SMAP2: variants seen among roughly 807,000 people sequenced by gnomAD.
The protein encoded by SMAP2 is small ArfGAP2.
SMAP2 carries 25 observed loss-of-function variants against 56.4 expected under a neutral mutation model. The observed-to-expected ratio is 0.44, with a 90% CI of 0.32 to 0.62. The LOEUF is 0.62. Among genes scored for constraint, SMAP2 ranks in the 20% least tolerant of loss-of-function variants. The pLI, the probability that SMAP2 is intolerant of heterozygous loss-of-function variation, is 0.04. For missense variants in SMAP2, 388 were observed against 545.6 expected (o/e 0.71, Z 2.88); for synonymous variants, 157 against 181.7 (o/e 0.86, Z 1.09).
chr1:40,381,506 GAACA>G, intron 1 of SMAP2, among the ~76,000 whole-genome samples: 1 of 152,238 alleles, frequency 6.6e-6, no homozygotes, highest in African/African-American at 2.4e-5. Flanking sequence ...TAGGAAGAGG[GAACA>G]GAATGTGCAA....
chr1:40,374,320 A>C lies in SMAP2; in HGVS notation c.103+97A>C. ...CGGTTTCTGAAGCTTAGGCCGCCCAACTCGGCTTATAAGTGGTAACGCGTG... is the reference window on the plus strand; with the variant it reads ...CGGTTTCTGAAGCTTAGGCCGCCCACCTCGGCTTATAAGTGGTAACGCGTG... On this transcript the variant is annotated intron_variant, in intron 1 of 9. Transcript: ENST00000372718. The surrounding 1 kb of genome is among the most constrained non-coding windows in gnomAD (Gnocchi z 5.9). The C allele has an allele frequency of 1.9e-6, 2 of 1,033,806 alleles. No individual in the cohort carries two copies. The highest frequency in any genetic ancestry group is 1.4e-5 in the South Asian group (1 of 72,128). 64.0% of individuals were successfully genotyped at this position (1,033,806 alleles called of 1,614,324 possible).
intron 7 of SMAP2, 141 bp from the exon 8 acceptor site, chr1:40,416,035 T>C (rs1569923061): frequency 1.3e-6 from 1 of 771,370 alleles, no homozygotes; most frequent in East Asian, 2.5e-5. Context: ...GATAGTTGAA[T>C]GGTAAAAATG....
rs1014940259 is a variant in SMAP2, at chr1:40,406,998, G to A, written c.237+129G>A. On this transcript the variant is annotated intron_variant, in intron 2 of 9. Transcript: ENST00000372718. ...TTTAGTTGTTAAACACTTAACATCA[G>A]ATTCTTGTACCCTAACAGAAATTTT... The A allele has an allele frequency of 3.3e-5, 31 of 950,074 alleles. 1 individual carries two copies. Among genetic ancestry groups the A allele is most frequent in the Admixed American group, 2.2e-4 (8 of 35,604 alleles). 58.9% of individuals were successfully genotyped at this position (950,074 alleles called of 1,614,324 possible).
chr1:40,346,856 T>A lies in SMAP2; in HGVS notation c.-83+1946T>A, dbSNP rs542158603. 2.4e-4 allele frequency among the ~76,000 whole-genome samples: 36 copies of A among 152,158 alleles called. No homozygotes were observed. The South Asian group carries it at 7.5e-3, about 32-fold the overall frequency. ...TAAGTTTTTTAAAATCTTGTTTCAT[T>A]TATTTTTAATTTTTTTAGAGACAAA... On this transcript the variant is annotated intron_variant, in intron 1 of 6. Coordinates refer to the SMAP2 transcript ENST00000435168.
In SMAP2 at chr1:40,386,152, A is replaced by T. The variant is rs1644651757; in HGVS notation, c.103+11929A>T. Among the ~76,000 whole-genome samples, 1 of 152,208 alleles carries T rather than the reference A, an allele frequency of 6.6e-6. No individual in the cohort carries two copies. Among genetic ancestry groups the T allele is most frequent in the South Asian group, 2.1e-4 (1 of 4,834 alleles). On this transcript the variant is annotated intron_variant, in intron 1 of 9. Transcript: ENST00000372718. This position sits in a 1 kb window ranked among gnomAD's most constrained non-coding sequence, Gnocchi z 4.1. ...AAGGAAACTCCCTGTTCTTACCATG[A>T]TGCTTTTGTTCAAAATAGCTGAAAA...
Position 40,416,832 on chromosome 1 carries a change from C to G in SMAP2, c.900C>G (p.Phe300Leu). 1 of 1,611,822 alleles carries G rather than the reference C, an allele frequency of 6.2e-7. No homozygotes were observed. Among genetic ancestry groups the G allele is most frequent in the Admixed American group, 1.7e-5 (1 of 59,998 alleles). Reference sequence around the variant, plus strand: ...CATATCCCACAGCCTACCCCAGCTTCCCCGGGGTTACACCTCCTAACAGCA... The same window carrying G: ...CATATCCCACAGCCTACCCCAGCTTGCCCGGGGTTACACCTCCTAACAGCA... ...QMAYPTAYPS[F>L]PGVTPPNSIM... Residue 300 changes from phenylalanine (F) to leucine (L), a missense_variant, in exon 9 of 10, where the codon TTC becomes TTG. Transcript: ENST00000372718.
chr1:40,361,134 C>T (rs1644458172), intron 1 of SMAP2, among the ~76,000 whole-genome samples: 1 of 152,222 alleles, frequency 6.6e-6, no homozygotes, highest in Non-Finnish European at 1.5e-5. Flanking sequence ...CTTTGCCTTG[C>T]AACTTGGATA....
At chr1:40,372,622 A>G (rs1258067377), upstream of SMAP2, among the ~76,000 whole-genome samples, 1 of 152,238 alleles carries the variant, frequency 6.6e-6, no homozygotes, top group East Asian at 1.9e-4. Flanking sequence ...TTAATAAAGT[A>G]ATAGAAATGT....
intron 1 of SMAP2, among the ~76,000 whole-genome samples, chr1:40,356,789 C>T (rs765789761): frequency 4.6e-5 from 7 of 152,164 alleles, no homozygotes; most frequent in African/African-American, 1.2e-4. Flanking sequence ...CAACAGTGTA[C>T]GAGGGTTCCC....
At chr1:40,359,526 G>A (rs144353725) in intron 1 of SMAP2, among the ~76,000 whole-genome samples, 107 of 152,138 alleles carry the variant, frequency 7.0e-4, no homozygotes, top group South Asian at 6.6e-3. Flanking sequence ...TGTTATTATT[G>A]GTAAGTAAGG....
chr1:40,403,888 C>T (rs1216573628), intron 1 of SMAP2: 5 of 152,986 alleles, frequency 3.3e-5, no homozygotes, highest in Admixed American at 2.0e-4. Flanking sequence ...TCCTTGAGGC[C>T]AGGAGTTCAC....
intron 1 of SMAP2, among the ~76,000 whole-genome samples, chr1:40,361,927 G>A (rs116108948): frequency 6.6e-4 from 101 of 152,324 alleles, no homozygotes; most frequent in African/African-American, 2.4e-3. Context: ...TAGGAAGCCT[G>A]TGGCCAATGC....
Position 40,413,049 on chromosome 1 carries a change from G to T in SMAP2, c.436G>T (p.Glu146Ter). 1.2e-6 allele frequency: 2 copies of T among 1,613,576 alleles called. No individual in the cohort carries two copies. Among genetic ancestry groups the T allele is most frequent in the South Asian group, 2.2e-5 (2 of 91,002 alleles). Reference protein sequence around the residue: ...EKDDKWKRGSEPVPEKKLEPV... With the variant: ...EKDDKWKRGS Reference sequence around the variant, plus strand: ...AGATGACAAGTGGAAAAGAGGGAGCGAACCAGTTCCAGAAAAAAAATTGGA... The same window carrying T: ...AGATGACAAGTGGAAAAGAGGGAGCTAACCAGTTCCAGAAAAAAAATTGGA... The change falls in exon 5 of 10, where the codon GAA (glutamate) becomes TAA (stop). Residue 146 changes from glutamate (E) to a stop codon, truncating the protein, a stop_gained. Coordinates refer to ENST00000372718, the MANE Select transcript of SMAP2 (RefSeq NM_022733.3). LOFTEE classifies it high-confidence loss of function.
upstream of SMAP2, among the ~76,000 whole-genome samples, chr1:40,369,737 A>C: frequency 7.4e-6 from 1 of 135,802 alleles, no homozygotes; most frequent in Non-Finnish European, 1.6e-5. Flanking sequence ...CGTTAGACCT[A>C]AAACCATAAA....
At chr1:40,419,150 C>T (rs1292737538) in intron 9 of SMAP2, among the ~76,000 whole-genome samples, 1 of 151,994 alleles carries the variant, frequency 6.6e-6, no homozygotes, top group Non-Finnish European at 1.5e-5. Context: ...AATAAGCTGA[C>T]AAACCAAATC....
At chr1:40,406,493 G>A (rs1644887248) in intron 1 of SMAP2, among the ~76,000 whole-genome samples, 1 of 152,124 alleles carries the variant, frequency 6.6e-6, no homozygotes, top group Non-Finnish European at 1.5e-5. Flanking sequence ...AAATGTTCTG[G>A]AATTAGATAG....
At chr1:40,380,173 A>G (rs1419697549) in intron 1 of SMAP2, among the ~76,000 whole-genome samples, 5 of 152,168 alleles carry the variant, frequency 3.3e-5, no homozygotes. Flanking sequence ...CCCTTTTAAG[A>G]TAGTCTGGTT....
chr1:40,351,902 T>G (rs1445099657), intron 1 of SMAP2, among the ~76,000 whole-genome samples: 3 of 152,102 alleles, frequency 2.0e-5, no homozygotes, highest in Non-Finnish European at 2.9e-5. Flanking sequence ...CCTCCCAAAG[T>G]GCTGGAATTA....
chr1:40,355,305 C>T (rs1379893281), intron 1 of SMAP2, among the ~76,000 whole-genome samples: 1 of 151,988 alleles, frequency 6.6e-6, no homozygotes, highest in Non-Finnish European at 1.5e-5. Flanking sequence ...AGTATCAGTG[C>T]CTGTTTACTA....
Sources: gnomAD v4.1 joint callset for allele counts (sites outside exome capture counted in the v4.1 genomes callset) on GRCh38, gnomAD v4.1.1 for gene constraint, Gnocchi (gnomAD v3.1) non-coding constraint, MANE v1.5 for transcripts, NCBI Gene and HGNC (gene_info 2026-07-23, HGNC 2026-07-21) for gene names.